Variants in AOAH observed in about 807,000 individuals in gnomAD.
AOAH encodes acyloxyacyl hydrolase, also known as acyloxyacyl hydrolase (neutrophil).
In AOAH, 64 loss-of-function variants were observed where a neutral mutation model predicts 92.2. The observed-to-expected ratio is 0.69, with a 90% CI of 0.57 to 0.86. The LOEUF is 0.86. AOAH is among the 40% of genes least tolerant of loss of function. The pLI, the probability that AOAH is intolerant of heterozygous loss-of-function variation, is 0.00. For synonymous variants in AOAH, 263 were observed against 254.5 expected, an observed-to-expected ratio of 1.03 and a Z score of -0.32; for missense variants, 656 against 694.6, an observed-to-expected ratio of 0.94 and a Z score of 0.62.
Position 36,592,149 on chromosome 7 carries a change from T to C in AOAH, c.938+2190A>G, listed in dbSNP as rs145100059. Reference sequence around the variant, plus strand: ...TTTGTTATTGTCATAAAAGCCTTGATTGAGAGAAAATTCCAGATACTTTTA... The same window carrying C: ...TTTGTTATTGTCATAAAAGCCTTGACTGAGAGAAAATTCCAGATACTTTTA... On this transcript the variant is annotated intron_variant, in intron 12 of 20. Transcript: ENST00000617537. Among the ~76,000 whole-genome samples the C allele has an allele frequency of 2.2e-4, 34 of 152,316 alleles. 1 individual carries two copies. The highest frequency in any genetic ancestry group is 6.0e-4 in the African/African-American group (25 of 41,568).
chr7:36,645,645 T>G (rs960468471), intron 4 of AOAH, among the ~76,000 whole-genome samples: 2 of 152,196 alleles, frequency 1.3e-5, no homozygotes, highest in African/African-American at 2.4e-5. Flanking sequence ...GTGGCAATTT[T>G]CCAATACTCA....
intron 1 of AOAH, among the ~76,000 whole-genome samples, chr7:36,692,816 TAAAC>T (rs1351815512): frequency 6.6e-6 from 1 of 152,114 alleles, no homozygotes; most frequent in Non-Finnish European, 1.5e-5. Flanking sequence ...GATATCTAAA[TAAAC>T]AATCCCAGAA....
chr7:36,628,421 GT>G (rs1195431198), intron 6 of AOAH, among the ~76,000 whole-genome samples: 1 of 152,158 alleles, frequency 6.6e-6, no homozygotes, highest in Non-Finnish European at 1.5e-5. Flanking sequence ...CTACACATTT[GT>G]TTTCCTGGTA....
At chr7:36,605,187 G>T (rs1236593770) in intron 11 of AOAH, among the ~76,000 whole-genome samples, 7 of 152,106 alleles carry the variant, frequency 4.6e-5, no homozygotes, top group Admixed American at 6.5e-5. Context: ...GACTAGAGCT[G>T]GGCTGGATAA....
At chr7:36,676,362 T>C (rs1036194500) in intron 2 of AOAH, among the ~76,000 whole-genome samples, 3 of 152,168 alleles carry the variant, frequency 2.0e-5, no homozygotes, top group African/African-American at 7.2e-5. Flanking sequence ...CCATTTACAG[T>C]AGCATCAAAA....
chr7:36,715,839 G>T (rs1219238251), intron 1 of AOAH, among the ~76,000 whole-genome samples: 1 of 151,938 alleles, frequency 6.6e-6, no homozygotes, highest in Non-Finnish European at 1.5e-5. Context: ...ATGGATTAAA[G>T]ACTTAAATGT....
At chr7:36,574,716 G>GT (rs1487329868) in intron 13 of AOAH, among the ~76,000 whole-genome samples, 47 of 152,158 alleles carry the variant, frequency 3.1e-4, no homozygotes, top group African/African-American at 1.1e-3. Context: ...TTTCTGTCGA[G>GT]TTTTTTAAAG....
At position 36,668,193 on chromosome 7, in the gene AOAH, T is replaced by TTGCG. The variant is rs1554310701; in HGVS notation, c.290+5749_290+5750insCGCA. Among the ~76,000 whole-genome samples the TTGCG allele has an allele frequency of 2.6e-5, 4 of 151,854 alleles. No homozygotes were observed. The East Asian group carries it at 7.7e-4, about 29-fold the overall frequency. ...CTACCATCAGAAACATGAGAGGTTTTTGTGTGTGTGTGTGTGTCTCTAATA... is the reference window on the plus strand; with the variant it reads ...CTACCATCAGAAACATGAGAGGTTTTTGCGTGTGTGTGTGTGTGTGTCTCTAATA... On this transcript the variant is annotated intron_variant, in intron 3 of 20. Coordinates refer to ENST00000617537, the MANE Select transcript of AOAH (RefSeq NM_001637.4).
At chr7:36,603,754 A>T (rs1790776983) in intron 11 of AOAH, among the ~76,000 whole-genome samples, 1 of 152,186 alleles carries the variant, frequency 6.6e-6, no homozygotes, top group South Asian at 2.1e-4. Flanking sequence ...TCTAGGATCC[A>T]ACAGACTTAG....
chr7:36,707,104 C>T (rs1350104051), intron 1 of AOAH, among the ~76,000 whole-genome samples: 1 of 150,902 alleles, frequency 6.6e-6, no homozygotes, highest in Non-Finnish European at 1.5e-5. Context: ...TTTAGACATG[C>T]CTCCTCACTA....
chr7:36,699,949 A>G (rs1243849168), intron 1 of AOAH, among the ~76,000 whole-genome samples: 1 of 152,020 alleles, frequency 6.6e-6, no homozygotes, highest in Non-Finnish European at 1.5e-5. Flanking sequence ...TTAAGTTTTT[A>G]ATCCATTTTG....
chr7:36,644,650 T>A (rs973602926), intron 4 of AOAH, among the ~76,000 whole-genome samples: 9 of 152,178 alleles, frequency 5.9e-5, no homozygotes, highest in African/African-American at 2.2e-4. Flanking sequence ...TTCTGTGATG[T>A]TAAAGAATTG....
In AOAH at chr7:36,604,793, T is replaced by G. The variant is rs77333796; in HGVS notation, c.847-10363A>C. Among the ~76,000 whole-genome samples, 537 of 152,296 alleles carry G rather than the reference T, an allele frequency of 3.5e-3. 1 individual carries two copies. The highest frequency in any genetic ancestry group is 6.3e-3 in the Non-Finnish European group (428 of 68,012). On this transcript the variant is annotated intron_variant, in intron 11 of 20. Transcript: ENST00000617537. ...ACACTTCCATCTTAAGTCACCAAAT[T>G]TGGGACTCTGTGACCACAGCTGAGC...
intron 11 of AOAH, among the ~76,000 whole-genome samples, chr7:36,602,093 C>T (rs1434841588): frequency 2.6e-5 from 4 of 152,180 alleles, no homozygotes; most frequent in African/African-American, 9.7e-5. Flanking sequence ...TAGAGCCTTT[C>T]CTCTTTGACC....
intron 13 of AOAH, among the ~76,000 whole-genome samples, chr7:36,562,704 TC>T (rs1460828391): frequency 6.6e-6 from 1 of 152,150 alleles, no homozygotes; most frequent in Non-Finnish European, 1.5e-5. Context: ...CCAAAGATCC[TC>T]CCTTCCCATG....
At chr7:36,651,042 G>A (rs998387662) in intron 4 of AOAH, among the ~76,000 whole-genome samples, 3 of 152,182 alleles carry the variant, frequency 2.0e-5, no homozygotes, top group African/African-American at 7.2e-5. Context: ...ACGCAGGCGA[G>A]GTGGAGTGTG....
chr7:36,632,832 C>A (rs939593501), intron 5 of AOAH, among the ~76,000 whole-genome samples: 1 of 152,122 alleles, frequency 6.6e-6, no homozygotes, highest in African/African-American at 2.4e-5. Flanking sequence ...TGGGCATTGG[C>A]GATATTTGAC....
chr7:36,582,994 G>T (rs1789043350), intron 12 of AOAH, among the ~76,000 whole-genome samples: 1 of 152,046 alleles, frequency 6.6e-6, no homozygotes, highest in Non-Finnish European at 1.5e-5. Context: ...ATAAGCGCAT[G>T]CCACCATGCC....
At chr7:36,624,552 T>C (rs1476897859) in intron 6 of AOAH, among the ~76,000 whole-genome samples, 2 of 152,224 alleles carry the variant, frequency 1.3e-5, no homozygotes, top group African/African-American at 4.8e-5. Flanking sequence ...CTCTATACTT[T>C]TGGGGCTGGG....
Sources: allele counts gnomAD v4.1 joint callset (sites outside exome capture counted in the v4.1 genomes callset), GRCh38; gene constraint gnomAD v4.1.1; transcripts MANE v1.5; gene names NCBI Gene and HGNC (gene_info 2026-07-23, HGNC 2026-07-21).